HDAC4: variants seen among roughly 807,000 people sequenced by gnomAD.
HDAC4 encodes histone deacetylase A.
A neutral mutation model predicts 135.1 loss-of-function variants in HDAC4; 16 were observed. That is an observed-to-expected ratio of 0.12 (90% CI 0.08 to 0.18). HDAC4 has a LOEUF of 0.18. HDAC4 is among the 10% of genes least tolerant of loss of function. The pLI, the probability that HDAC4 is intolerant of heterozygous loss-of-function variation, is 1.00. For missense variants in HDAC4, 1,143 were observed against 1,511.8 expected, an observed-to-expected ratio of 0.76 and a Z score of 4.05; for synonymous variants, 685 against 653.4, an observed-to-expected ratio of 1.05 and a Z score of -0.74.
intron 24 of HDAC4, among the ~76,000 whole-genome samples, chr2:239,060,697 C>A (rs1008026522): frequency 2.0e-5 from 3 of 152,252 alleles, no homozygotes; most frequent in Non-Finnish European, 4.4e-5. Flanking sequence ...ACATCCTGGG[C>A]CATCTCCCCT....
At chr2:239,140,925 G>A (rs979979995) in intron 8 of HDAC4, 11 of 458,594 alleles carry the variant, frequency 2.4e-5, no homozygotes, top group East Asian at 7.7e-5. Context: ...ATATAGCCCC[G>A]AGCCACAGTG....
At chr2:239,256,325 AT>A (rs1455704803) in intron 2 of HDAC4, among the ~76,000 whole-genome samples, 1 of 152,178 alleles carries the variant, frequency 6.6e-6, no homozygotes, top group Admixed American at 6.5e-5. Flanking sequence ...TAAGTGTGGG[AT>A]TTTTCTTTTT....
rs965304673 is a variant in HDAC4, at chr2:239,146,286, G to A, written c.734-1572C>T. ...CAACTGATGACTAGGCAAGAAAACA[G>A]TACCTCTTCTCTCACCACCAGATCT... On this transcript the variant is annotated intron_variant, in intron 7 of 26. Coordinates refer to ENST00000543185, the MANE Select transcript of HDAC4 (RefSeq NM_001378414.1). The surrounding 1 kb of genome is among the most constrained non-coding windows in gnomAD (Gnocchi z 4.5). Among the ~76,000 whole-genome samples, 3 of 151,566 alleles carry A rather than the reference G, an allele frequency of 2.0e-5. No individual in the cohort carries two copies. Among genetic ancestry groups the A allele is most frequent in the African/African-American group, 7.3e-5 (3 of 41,166 alleles).
chr2:239,178,758 C>T (rs555240329), intron 4 of HDAC4, among the ~76,000 whole-genome samples: 41 of 152,330 alleles, frequency 2.7e-4, no homozygotes, highest in African/African-American at 9.4e-4. Context: ...ACGGGATAAG[C>T]AGGCATCCTG....
chr2:239,151,795 T>C (rs1174594280), intron 7 of HDAC4, among the ~76,000 whole-genome samples: 1 of 152,108 alleles, frequency 6.6e-6, no homozygotes, highest in East Asian at 1.9e-4. Context: ...GCCAGGACAA[T>C]CCATGGCAGT....
At chr2:239,065,202 G>T (rs1358908370) in intron 24 of HDAC4, among the ~76,000 whole-genome samples, 1 of 152,168 alleles carries the variant, frequency 6.6e-6, no homozygotes, top group Non-Finnish European at 1.5e-5. Context: ...AGGCCAGAGC[G>T]CCTGTCAGTA....
intron 1 of HDAC4, among the ~76,000 whole-genome samples, chr2:239,368,450 A>G (rs577885065): frequency 6.6e-6 from 1 of 152,290 alleles, no homozygotes; most frequent in East Asian, 1.9e-4. Context: ...GGGTCTCATC[A>G]AGGCAGCAGA....
At chr2:239,116,649 T>C (rs951250386) in intron 12 of HDAC4, among the ~76,000 whole-genome samples, 8 of 152,216 alleles carry the variant, frequency 5.3e-5, no homozygotes, top group South Asian at 2.1e-4. Context: ...GTGGACCTGG[T>C]CACTCCCCTG....
chr2:239,305,564 C>G (rs2052532339), intron 2 of HDAC4: 1 of 152,706 alleles, frequency 6.5e-6, no homozygotes, highest in African/African-American at 2.4e-5. Flanking sequence ...TCAAATTTTT[C>G]CTTATTGTTG....
intron 3 of HDAC4, among the ~76,000 whole-genome samples, chr2:239,230,722 A>G (rs1158213773): frequency 1.3e-5 from 2 of 152,224 alleles, no homozygotes; most frequent in African/African-American, 4.8e-5. Flanking sequence ...ACGCAGGAAT[A>G]TTACAACCAA....
chr2:239,103,598 A>G (rs1031881196), intron 15 of HDAC4, among the ~76,000 whole-genome samples: 3 of 152,238 alleles, frequency 2.0e-5, no homozygotes, highest in Non-Finnish European at 2.9e-5. Context: ...CCACAGGATG[A>G]GTCAGACGCC....
intron 2 of HDAC4, among the ~76,000 whole-genome samples, chr2:239,318,941 A>T (rs1209854212): frequency 6.6e-6 from 1 of 152,176 alleles, no homozygotes; most frequent in African/African-American, 2.4e-5. Flanking sequence ...GACACAACGG[A>T]TTCCTGCCAA....
intron 1 of HDAC4, among the ~76,000 whole-genome samples, chr2:239,379,083 G>GGGAAGACACAAAGGGAATTA (rs1695231760): frequency 6.6e-6 from 1 of 152,190 alleles, no homozygotes; most frequent in South Asian, 2.1e-4. Context: ...GGGAAGAAAC[G>GGGAAGACACAAAGGGAATTA]CTCCTCAGGC....
At chr2:239,075,217 C>G (rs1248560699) in intron 22 of HDAC4, among the ~76,000 whole-genome samples, 1 of 116,100 alleles carries the variant, frequency 8.6e-6, no homozygotes, top group Non-Finnish European at 1.7e-5. Flanking sequence ...GAATGAGACT[C>G]CGTCTCAAAA....
chr2:239,142,574 G>A (rs1243922650), intron 8 of HDAC4, among the ~76,000 whole-genome samples: 4 of 152,344 alleles, frequency 2.6e-5, no homozygotes, highest in Middle Eastern at 3.4e-3. Flanking sequence ...GCCTCGGCAC[G>A]GGCTCCCTTT....
intron 1 of HDAC4, among the ~76,000 whole-genome samples, chr2:239,356,162 A>G (rs986662926): frequency 6.6e-6 from 1 of 152,194 alleles, no homozygotes; most frequent in Non-Finnish European, 1.5e-5. Flanking sequence ...TAGTTTTAAA[A>G]ATATATATAT....
intron 2 of HDAC4, among the ~76,000 whole-genome samples, chr2:239,318,399 C>T (rs1382653339): frequency 6.6e-6 from 1 of 152,142 alleles, no homozygotes; most frequent in Non-Finnish European, 1.5e-5. Flanking sequence ...TGTCACGAAA[C>T]ATAAAAATGA....
chr2:239,392,334 C>T (rs901167625), intron 1 of HDAC4, among the ~76,000 whole-genome samples: 1 of 152,246 alleles, frequency 6.6e-6, no homozygotes, highest in African/African-American at 2.4e-5. Context: ...AGCCAAGGGG[C>T]GGATTCCAAC....
At chr2:239,187,435 C>T (rs1048675669) in intron 4 of HDAC4, among the ~76,000 whole-genome samples, 8 of 152,246 alleles carry the variant, frequency 5.3e-5, no homozygotes, top group African/African-American at 9.6e-5. Context: ...GGCTGCTCTT[C>T]GCAGATCATG....
Sources: gnomAD v4.1 joint callset for allele counts (sites outside exome capture counted in the v4.1 genomes callset) on GRCh38, gnomAD v4.1.1 for gene constraint, Gnocchi (gnomAD v3.1) non-coding constraint, MANE v1.5 for transcripts, NCBI Gene and HGNC (gene_info 2026-07-23, HGNC 2026-07-21) for gene names.